Variants in NUP93 observed in about 807,000 individuals in gnomAD.
NUP93 encodes nuclear pore complex protein Nup93.
Under a neutral mutation model 107.8 loss-of-function variants are expected in NUP93, and 55 were observed. The ratio of observed to expected loss-of-function variants is 0.51; its 90% CI spans 0.41 to 0.64. The LOEUF (loss-of-function observed/expected upper bound fraction) is 0.64, where lower values mean the gene tolerates loss of function less well. Ranked by LOEUF, NUP93 falls within the 30% of genes least tolerant of loss-of-function variation. The pLI is 0.00. For missense variants in NUP93, 937 were observed against 1,044.7 expected, an observed-to-expected ratio of 0.90 and a Z score of 1.42; for synonymous variants, 390 against 397.5, an observed-to-expected ratio of 0.98 and a Z score of 0.22.
At chr16:56,730,917 A>C (rs1364514658) in intron 1 of NUP93, among the ~76,000 whole-genome samples, 1 of 152,186 alleles carries the variant, frequency 6.6e-6, no homozygotes, top group East Asian at 1.9e-4. Context: ...AGACGTGGGA[A>C]GGAGGTTTTA....
At chr16:56,812,411 T>C (rs1334151921) in intron 5 of NUP93, among the ~76,000 whole-genome samples, 1 of 152,046 alleles carries the variant, frequency 6.6e-6, no homozygotes, top group Non-Finnish European at 1.5e-5. Context: ...TGGCGCGATC[T>C]TGGGTCACTG....
chr16:56,746,260 C>T (rs576848631), intron 1 of NUP93, among the ~76,000 whole-genome samples: 2 of 152,172 alleles, frequency 1.3e-5, no homozygotes, highest in African/African-American at 4.8e-5. Context: ...TGTCATTGGC[C>T]TTGAACATTC....
chr16:56,748,203 T>G, intron 1 of NUP93, 31 bp from the exon 2 acceptor site: 4 of 1,461,334 alleles, frequency 2.7e-6, no homozygotes, highest in Non-Finnish European at 3.8e-6. Context: ...TTTCCCTTGA[T>G]TTAGATCTTT....
At chr16:56,807,918 G>C (rs1963179248) in intron 5 of NUP93, among the ~76,000 whole-genome samples, 1 of 150,922 alleles carries the variant, frequency 6.6e-6, no homozygotes, top group Admixed American at 6.6e-5. Flanking sequence ...GCTACTCCAG[G>C]GGCTGAGGCA....
At chr16:56,801,101 C>G (rs1963010146) in intron 4 of NUP93, among the ~76,000 whole-genome samples, 2 of 152,096 alleles carry the variant, frequency 1.3e-5, no homozygotes, top group African/African-American at 4.8e-5. Flanking sequence ...CCAGTTTATC[C>G]TTTTTCTTGT....
intron 4 of NUP93, among the ~76,000 whole-genome samples, chr16:56,800,289 A>G (rs1194942020): frequency 6.6e-6 from 1 of 152,350 alleles, no homozygotes; most frequent in East Asian, 1.9e-4. Context: ...AAATATTTTT[A>G]AAAGGGTTTT....
intron 7 of NUP93, among the ~76,000 whole-genome samples, chr16:56,822,760 C>T (rs2144612650): frequency 6.6e-6 from 1 of 151,970 alleles, no homozygotes; most frequent in East Asian, 2.0e-4. Context: ...GACGGGGTTT[C>T]ACCATGTTGG....
intron 2 of NUP93, among the ~76,000 whole-genome samples, chr16:56,750,873 A>G (rs1961906269): frequency 6.6e-6 from 1 of 152,202 alleles, no homozygotes; most frequent in South Asian, 2.1e-4. Flanking sequence ...GAAACAGAAT[A>G]TTGAGCTGGG....
chr16:56,844,617 G>C lies in NUP93; in HGVS notation c.*8G>C, dbSNP rs1964089580. On this transcript the variant is annotated 3_prime_UTR_variant, in exon 22 of 22. Coordinates refer to ENST00000308159, the MANE Select transcript of NUP93 (RefSeq NM_014669.5). ...GAGGTCCTCATGAATTAAGTGCCAT[G>C]CTTTGTGGGAGTCTGGGTCGGCACA... The C allele has an allele frequency of 6.3e-7, 1 of 1,579,054 alleles. No homozygotes were observed. The highest frequency in any genetic ancestry group is 1.4e-5 in the African/African-American group (1 of 73,380).
intron 9 of NUP93, 152 bp from the exon 10 acceptor site, chr16:56,830,376 G>A: frequency 1.6e-6 from 1 of 639,502 alleles, no homozygotes; most frequent in East Asian, 2.9e-5. Flanking sequence ...TTGTAAAACA[G>A]GAAAAGGCTG....
Position 56,847,778 on chromosome 16 carries a change from T to C in NUP93, c.*3169T>C, listed in dbSNP as rs1319818783. 6.6e-5 allele frequency: 10 copies of C among 152,262 alleles called. No individual in the cohort carries two copies. The highest frequency in any genetic ancestry group is 2.4e-4 in the African/African-American group (10 of 41,540). 9.4% of individuals were successfully genotyped at this position (152,262 alleles called of 1,614,324 possible). On this transcript the variant is annotated 3_prime_UTR_variant, in exon 22 of 22. Transcript: ENST00000308159. ...CTCATCAAAGAGCAGGAAGTGCCCATTTTACACTGGGGCCAGGATGCAGAC... is the reference window on the plus strand; with the variant it reads ...CTCATCAAAGAGCAGGAAGTGCCCACTTTACACTGGGGCCAGGATGCAGAC...
At chr16:56,759,120 G>T (rs1409026554) in intron 3 of NUP93, among the ~76,000 whole-genome samples, 3 of 152,132 alleles carry the variant, frequency 2.0e-5, no homozygotes, top group African/African-American at 7.2e-5. Flanking sequence ...GAAGTGTTTG[G>T]CTGCATTAGT....
chr16:56,786,070 A>G (rs1962621071), intron 3 of NUP93, among the ~76,000 whole-genome samples: 1 of 152,070 alleles, frequency 6.6e-6, no homozygotes, highest in South Asian at 2.1e-4. Context: ...TTTTCATTCT[A>G]GCTCTTTGTG....
intron 3 of NUP93, among the ~76,000 whole-genome samples, chr16:56,762,487 G>C (rs997862277): frequency 3.9e-5 from 6 of 152,102 alleles, no homozygotes; most frequent in Admixed American, 2.0e-4. Flanking sequence ...GAGGCGAAGG[G>C]TATCCTGATT....
At chr16:56,743,892 T>A (rs1215639041) in intron 1 of NUP93, among the ~76,000 whole-genome samples, 2 of 152,184 alleles carry the variant, frequency 1.3e-5, no homozygotes, top group Non-Finnish European at 2.9e-5. Flanking sequence ...GTCCTACTTA[T>A]AGGGAGAGTA....
At chr16:56,791,565 G>A (rs1962763663) in intron 3 of NUP93, among the ~76,000 whole-genome samples, 2 of 152,228 alleles carry the variant, frequency 1.3e-5, no homozygotes, top group Non-Finnish European at 2.9e-5. Flanking sequence ...TTCTACAGTA[G>A]GAATTAGCTG....
At chr16:56,813,463 A>G (rs558376447) in intron 5 of NUP93, among the ~76,000 whole-genome samples, 2 of 152,344 alleles carry the variant, frequency 1.3e-5, no homozygotes, top group East Asian at 3.9e-4. Context: ...GGATGGACCC[A>G]GTTCACCTGT....
intron 5 of NUP93, among the ~76,000 whole-genome samples, chr16:56,816,361 T>C (rs751316555): frequency 6.6e-6 from 1 of 152,178 alleles, no homozygotes; most frequent in Non-Finnish European, 1.5e-5. Flanking sequence ...GTAGCTTGAA[T>C]AGGGGTATAT....
intron 1 of NUP93, among the ~76,000 whole-genome samples, chr16:56,742,622 T>G (rs945514342): frequency 4.6e-5 from 7 of 152,234 alleles, no homozygotes; most frequent in Non-Finnish European, 7.3e-5. Context: ...ACAGAAGAAG[T>G]TTGCTCACTC....
Sources: gnomAD v4.1 joint callset for allele counts (sites outside exome capture counted in the v4.1 genomes callset) on GRCh38, gnomAD v4.1.1 for gene constraint, MANE v1.5 for transcripts, NCBI Gene and HGNC (gene_info 2026-07-23, HGNC 2026-07-21) for gene names.